The following KIAA1549L variants were observed in gnomAD, a reference collection of about 807,000 sequenced individuals.
KIAA1549L encodes UPF0606 protein KIAA1549L.
Under a neutral mutation model 160.7 loss-of-function variants are expected in KIAA1549L, and 88 were observed. That is an observed-to-expected ratio of 0.55 (90% confidence interval 0.46 to 0.65). The LOEUF (loss-of-function observed/expected upper bound fraction) is 0.65. Ranked by LOEUF, KIAA1549L falls within the 30% of genes least tolerant of loss-of-function variation. The pLI is 0.00. For missense variants in KIAA1549L, 2,258 were observed against 2,437.5 expected, an observed-to-expected ratio of 0.93 and a Z score of 1.55; for synonymous variants, 950 against 976.7, an observed-to-expected ratio of 0.97 and a Z score of 0.51.
intron 1 of KIAA1549L, among the ~76,000 whole-genome samples, chr11:33,442,373 C>T (rs1164921636): frequency 6.6e-6 from 1 of 152,124 alleles, no homozygotes; most frequent in African/African-American, 2.4e-5. Context: ...CAGCTTTGTT[C>T]TTTTGGCTTA....
At chr11:33,446,159 G>A (rs1164520317) in intron 1 of KIAA1549L, among the ~76,000 whole-genome samples, 8 of 148,644 alleles carry the variant, frequency 5.4e-5, no homozygotes, top group Non-Finnish European at 1.2e-4. Flanking sequence ...CAGTGGTGCC[G>A]TCTCAGCTCA....
chr11:33,431,784 G>A (rs1199749787), intron 1 of KIAA1549L, among the ~76,000 whole-genome samples: 9 of 152,254 alleles, frequency 5.9e-5, no homozygotes, highest in South Asian at 4.1e-4. Context: ...ACTGGGCGCC[G>A]TGGAGCAGGG....
chr11:33,645,656 C>A, intron 16 of KIAA1549L, 30 bp from the exon 17 acceptor site: 2 of 1,522,562 alleles, frequency 1.3e-6, no homozygotes, highest in Non-Finnish European at 9.1e-7. Context: ...GGAAAGTAAA[C>A]ACATCAATGG....
At chr11:33,453,649 G>A (rs1471773301) in intron 1 of KIAA1549L, among the ~76,000 whole-genome samples, 1 of 152,100 alleles carries the variant, frequency 6.6e-6, no homozygotes, top group Non-Finnish European at 1.5e-5. Flanking sequence ...GGGGTGATAG[G>A]CATCTGATCA....
At chr11:33,490,422 C>T (rs1256243760) in intron 1 of KIAA1549L, among the ~76,000 whole-genome samples, 1 of 151,510 alleles carries the variant, frequency 6.6e-6, no homozygotes, top group Non-Finnish European at 1.5e-5. Context: ...CCTCTGGGCT[C>T]AAGTGATCCT....
At chr11:33,595,587 A>C (rs1850177282) in intron 12 of KIAA1549L, among the ~76,000 whole-genome samples, 1 of 152,190 alleles carries the variant, frequency 6.6e-6, no homozygotes, top group Non-Finnish European at 1.5e-5. Context: ...GATCATTTCC[A>C]AAGCTGTAAG....
chr11:33,638,889 G>A (rs1000354682), intron 16 of KIAA1549L, among the ~76,000 whole-genome samples: 5 of 152,094 alleles, frequency 3.3e-5, no homozygotes, highest in African/African-American at 9.6e-5. Context: ...ATCTTTCCAC[G>A]TGTTTATTGG....
intron 1 of KIAA1549L, among the ~76,000 whole-genome samples, chr11:33,513,838 T>C (rs1479631831): frequency 2.0e-5 from 3 of 152,230 alleles, no homozygotes; most frequent in East Asian, 1.9e-4. Context: ...GTGTGCTAGA[T>C]AGATGTTCCT....
chr11:33,505,888 T>C (rs1035525977), intron 1 of KIAA1549L, among the ~76,000 whole-genome samples: 2 of 152,214 alleles, frequency 1.3e-5, no homozygotes, highest in African/African-American at 4.8e-5. Flanking sequence ...AATAATCGAT[T>C]ATATTTATTG....
At chr11:33,397,198 G>A (rs1210267238) in intron 1 of KIAA1549L, among the ~76,000 whole-genome samples, 1 of 147,338 alleles carries the variant, frequency 6.8e-6, no homozygotes, top group Non-Finnish European at 1.5e-5. Context: ...GCCGGACGTG[G>A]TGGCAGGCGC....
intron 9 of KIAA1549L, among the ~76,000 whole-genome samples, chr11:33,572,667 C>T (rs1009351635): frequency 3.3e-5 from 5 of 152,178 alleles, no homozygotes; most frequent in African/African-American, 9.7e-5. Flanking sequence ...ATAATATTCT[C>T]TTATATGAAT....
chr11:33,646,153 C>T (rs1364691117), intron 17 of KIAA1549L, 117 bp downstream of exon 17: 15 of 764,142 alleles, frequency 2.0e-5, no homozygotes, highest in African/African-American at 5.3e-5. Context: ...TGGAGATGAA[C>T]TATGCCAGGC....
intron 3 of KIAA1549L, among the ~76,000 whole-genome samples, chr11:33,546,646 TA>T (rs1197931003): frequency 2.0e-5 from 3 of 152,204 alleles, no homozygotes; most frequent in African/African-American, 7.2e-5. Flanking sequence ...AAGAACCTTC[TA>T]AAATGCATTC....
At chr11:33,504,979 C>A (rs1233016735) in intron 1 of KIAA1549L, among the ~76,000 whole-genome samples, 5 of 152,146 alleles carry the variant, frequency 3.3e-5, no homozygotes, top group Non-Finnish European at 4.4e-5. Context: ...GTTGCCCAAG[C>A]TGGTCTCAAA....
intron 1 of KIAA1549L, among the ~76,000 whole-genome samples, chr11:33,456,017 T>C (rs1851813893): frequency 1.3e-5 from 2 of 152,228 alleles, no homozygotes; most frequent in Non-Finnish European, 2.9e-5. Flanking sequence ...AGAGGACATC[T>C]CTTAGGAAAG....
intron 1 of KIAA1549L, among the ~76,000 whole-genome samples, chr11:33,512,717 G>A (rs548859621): frequency 2.0e-5 from 3 of 152,210 alleles, no homozygotes; most frequent in South Asian, 2.1e-4. Context: ...CATTGCGCCC[G>A]GCCCCTGCTC....
chr11:33,662,094 C>G (rs1275146503), intron 20 of KIAA1549L, among the ~76,000 whole-genome samples: 1 of 152,134 alleles, frequency 6.6e-6, no homozygotes, highest in Non-Finnish European at 1.5e-5. Flanking sequence ...GATTCAGTAT[C>G]CTTATGATGC....
chr11:33,410,968 G>A (rs1020263643), intron 1 of KIAA1549L, among the ~76,000 whole-genome samples: 3 of 152,170 alleles, frequency 2.0e-5, no homozygotes, highest in Non-Finnish European at 4.4e-5. Flanking sequence ...AAAAGTGACT[G>A]GATTTGGCCA....
At chr11:33,534,890 C>T (rs1853858754) in intron 1 of KIAA1549L, among the ~76,000 whole-genome samples, 1 of 152,172 alleles carries the variant, frequency 6.6e-6, no homozygotes, top group Non-Finnish European at 1.5e-5. Flanking sequence ...TCCAAAGCTC[C>T]CTGCTTCCTA....
Sources: allele counts gnomAD v4.1 joint callset (sites outside exome capture counted in the v4.1 genomes callset), GRCh38; gene constraint gnomAD v4.1.1; transcripts MANE v1.5; gene names NCBI Gene and HGNC (gene_info 2026-07-23, HGNC 2026-07-21).